Variants in PHACTR4 observed in about 807,000 individuals in gnomAD.
The protein encoded by PHACTR4 is protein phosphatase 1, regulatory subunit 124.
PHACTR4 carries 51 observed loss-of-function variants against 72.7 expected under a neutral mutation model. That is an observed-to-expected ratio of 0.70 (90% confidence interval 0.56 to 0.89). The LOEUF (loss-of-function observed/expected upper bound fraction) is 0.89. Among genes scored for constraint, PHACTR4 ranks in the 40% least tolerant of loss-of-function variants. The pLI is 0.00. For missense variants in PHACTR4, 731 were observed against 861.8 expected (o/e 0.85, Z 1.90); for synonymous variants, 255 against 302.5 (o/e 0.84, Z 1.63).
intron 1 of PHACTR4, among the ~76,000 whole-genome samples, chr1:28,371,502 C>T (rs1249138501): frequency 6.6e-6 from 1 of 152,136 alleles, no homozygotes; most frequent in Admixed American, 6.6e-5. Flanking sequence ...ACCATGTTAG[C>T]CAGGCTGGCC....
intron 1 of PHACTR4, among the ~76,000 whole-genome samples, chr1:28,402,108 GAGAA>G (rs1304506599): frequency 1.3e-5 from 2 of 152,196 alleles, no homozygotes; most frequent in African/African-American, 4.8e-5. Context: ...GTAGCTGTGA[GAGAA>G]AGAGAAGAGT....
chr1:28,466,981 G>A (rs946247164), intron 6 of PHACTR4: 8 of 548,156 alleles, frequency 1.5e-5, no homozygotes, highest in Middle Eastern at 5.1e-4. Context: ...TTGGGAGGCC[G>A]AGGTGGGTGG....
intron 1 of PHACTR4, among the ~76,000 whole-genome samples, chr1:28,372,451 G>T (rs1651318327): frequency 6.6e-6 from 1 of 152,120 alleles, no homozygotes; most frequent in South Asian, 2.1e-4. Context: ...TATAGGGATG[G>T]TAGATCCTTA....
chr1:28,468,533 A>G (rs1659363782), intron 6 of PHACTR4, among the ~76,000 whole-genome samples: 1 of 152,196 alleles, frequency 6.6e-6, no homozygotes, highest in African/African-American at 2.4e-5. Flanking sequence ...CAGACGTTGC[A>G]GTGAGCTGAG....
chr1:28,499,945 G>C lies in PHACTR4; in HGVS notation c.*3396G>C, dbSNP rs200656841. ...TCTTCTGCCAGATTTTTTGTGGCTT[G>C]AGATGATATTTTCGAACCCTTCTTT... On this transcript the variant is annotated 3_prime_UTR_variant, in exon 14 of 14. Transcript: ENST00000373839. The C allele has an allele frequency of 6.6e-6, 1 of 152,088 alleles. No individual in the cohort carries two copies. The highest frequency in any genetic ancestry group is 1.5e-5 in the Non-Finnish European group (1 of 68,000). 9.4% of individuals were successfully genotyped at this position (152,088 alleles called of 1,614,324 possible). A position where few individuals can be genotyped will look rare whatever the true frequency, so the allele number is the denominator to read the frequency against.
chr1:28,426,207 C>G (rs1002420989), intron 2 of PHACTR4, among the ~76,000 whole-genome samples: 3 of 140,158 alleles, frequency 2.1e-5, no homozygotes, highest in Admixed American at 2.1e-4. Context: ...AGCAACAGAG[C>G]GAGAAACCTT....
chr1:28,447,638 C>G (rs1159875933), intron 2 of PHACTR4, among the ~76,000 whole-genome samples: 2 of 151,962 alleles, frequency 1.3e-5, no homozygotes, highest in Non-Finnish European at 2.9e-5. Flanking sequence ...TATTCTGGCC[C>G]TTCACTATAA....
chr1:28,471,625 C>T (rs1244753476), intron 6 of PHACTR4, among the ~76,000 whole-genome samples: 1 of 151,502 alleles, frequency 6.6e-6, no homozygotes, highest in Admixed American at 6.6e-5. Flanking sequence ...TACAGGTCAT[C>T]TGGAGCCCTC....
Position 28,465,671 on chromosome 1 carries a change from C to A in PHACTR4, c.272-14C>A, listed in dbSNP as rs572687477. ...GCCAACTTCATCACTTTGTACTCTTCTTTCACCTTGCAGGTGGTGAGGATC... is the reference window on the plus strand; with the variant it reads ...GCCAACTTCATCACTTTGTACTCTTATTTCACCTTGCAGGTGGTGAGGATC... On this transcript the variant is annotated splice_polypyrimidine_tract_variant and intron_variant, in intron 4 of 13. Coordinates refer to ENST00000373839, the MANE Select transcript of PHACTR4 (RefSeq NM_001048183.3). 1.4e-5 allele frequency: 22 copies of A among 1,609,060 alleles called. No homozygotes were observed. In the East Asian group the frequency reaches 4.9e-4, roughly 36 times the overall value.
chr1:28,389,124 G>T (rs568125525), intron 1 of PHACTR4, among the ~76,000 whole-genome samples: 44 of 148,286 alleles, frequency 3.0e-4, no homozygotes, highest in Admixed American at 1.1e-3. Context: ...ATGATTAGAG[G>T]TTAATAGGAA....
chr1:28,403,488 G>C (rs1326174953), intron 1 of PHACTR4, among the ~76,000 whole-genome samples: 3 of 152,108 alleles, frequency 2.0e-5, no homozygotes, highest in Non-Finnish European at 4.4e-5. Flanking sequence ...CTTAATGGAG[G>C]ATCCAGCCAG....
intron 2 of PHACTR4, among the ~76,000 whole-genome samples, chr1:28,454,573 A>G (rs1047141529): frequency 6.6e-6 from 1 of 151,970 alleles, no homozygotes; most frequent in African/African-American, 2.4e-5. Flanking sequence ...CATCACTTTC[A>G]TAATTAGAGA....
Position 28,491,642 on chromosome 1 carries a change from T to G in PHACTR4, c.1879-8T>G, listed in dbSNP as rs1184399277. 6.2e-7 allele frequency: 1 copy of G among 1,613,896 alleles called. No homozygotes were observed. The highest frequency in any genetic ancestry group is 1.1e-5 in the South Asian group (1 of 91,066). On this transcript the variant is annotated splice_polypyrimidine_tract_variant and splice_region_variant and intron_variant, in intron 11 of 13. Transcript: ENST00000373839. ...GCTTGGTGAACTAAGAGGCTCCGTT[T>G]CCTTCAGCTCAGTCAAAGGCCAACT...
At chr1:28,472,872 C>T (rs1659656084) in intron 6 of PHACTR4, among the ~76,000 whole-genome samples, 1 of 150,324 alleles carries the variant, frequency 6.7e-6, no homozygotes, top group South Asian at 2.1e-4. Flanking sequence ...CCACCTCGGC[C>T]TCCCAAAGTA....
intron 1 of PHACTR4, among the ~76,000 whole-genome samples, chr1:28,404,393 C>T (rs1337675329): frequency 6.6e-6 from 1 of 151,010 alleles, no homozygotes; most frequent in Non-Finnish European, 1.5e-5. Flanking sequence ...AGCGATTCTC[C>T]TGCCTCAGCC....
chr1:28,448,628 G>C (rs1657662716), intron 2 of PHACTR4, among the ~76,000 whole-genome samples: 1 of 147,402 alleles, frequency 6.8e-6, no homozygotes, highest in Non-Finnish European at 1.5e-5. Flanking sequence ...TGGGCATGGT[G>C]GTGGGCGCCT....
chr1:28,487,770 CTG>C (rs1174592808), intron 9 of PHACTR4, among the ~76,000 whole-genome samples: 1 of 109,406 alleles, frequency 9.1e-6, no homozygotes, highest in Non-Finnish European at 1.7e-5. Context: ...GAATCTCACT[CTG>C]TCGCCCAAGC....
chr1:28,448,589 TAAAAAAAAAA>T (rs747826049), intron 2 of PHACTR4, among the ~76,000 whole-genome samples: 7 of 95,824 alleles, frequency 7.3e-5, no homozygotes, highest in Admixed American at 4.4e-4. Context: ...CATCTCTACT[TAAAAAAAAAA>T]AAAAAAAAAA....
At chr1:28,386,631 T>G (rs1445126648) in intron 1 of PHACTR4, among the ~76,000 whole-genome samples, 1 of 152,138 alleles carries the variant, frequency 6.6e-6, no homozygotes, top group African/African-American at 2.4e-5. Flanking sequence ...TGTGGCGGTG[T>G]GAGCCACCGT....
Sources: allele counts gnomAD v4.1 joint callset (sites outside exome capture counted in the v4.1 genomes callset), GRCh38; gene constraint gnomAD v4.1.1; transcripts MANE v1.5; gene names NCBI Gene and HGNC (gene_info 2026-07-23, HGNC 2026-07-21).